The following SGMS2 variants were observed in gnomAD, a reference collection of about 807,000 sequenced individuals.
SGMS2 encodes the protein phosphatidylcholine:ceramide cholinephosphotransferase 2.
SGMS2 carries 21 observed loss-of-function variants against 43.8 expected under a neutral mutation model. That is an observed-to-expected ratio of 0.48 (90% confidence interval 0.34 to 0.69). The LOEUF is 0.69. Among genes scored for constraint, SGMS2 ranks in the 30% least tolerant of loss-of-function variants. The pLI, the probability that SGMS2 is intolerant of heterozygous loss-of-function variation, is 0.01. For missense variants in SGMS2, 384 were observed against 443.2 expected (o/e 0.87, Z 1.20); for synonymous variants, 167 against 160.6 (o/e 1.04, Z -0.30).
At chr4:107,894,077 G>A (rs1356212028) in intron 2 of SGMS2, among the ~76,000 whole-genome samples, 1 of 152,114 alleles carries the variant, frequency 6.6e-6, no homozygotes, top group Non-Finnish European at 1.5e-5. Context: ...AACAGACATT[G>A]CCTGTACATA....
intron 2 of SGMS2, chr4:107,894,201 A>AG (rs1355967226): frequency 2.0e-5 from 3 of 151,978 alleles, no homozygotes; most frequent in African/African-American, 7.3e-5. Context: ...ACGGGGAGGC[A>AG]GGGGAGGGGG....
At chr4:107,885,912 A>C (rs1729713557) in intron 2 of SGMS2, among the ~76,000 whole-genome samples, 1 of 152,208 alleles carries the variant, frequency 6.6e-6, no homozygotes, top group Non-Finnish European at 1.5e-5. Flanking sequence ...TAATTAAAAT[A>C]AATGTTCAGA....
chr4:107,872,901 TC>T (rs1384882871), intron 2 of SGMS2, among the ~76,000 whole-genome samples: 1 of 152,196 alleles, frequency 6.6e-6, no homozygotes, highest in Non-Finnish European at 1.5e-5. Flanking sequence ...TTCTGGTTTT[TC>T]AGTCTTACAG....
intron 2 of SGMS2, among the ~76,000 whole-genome samples, chr4:107,877,226 T>C (rs2126071266): frequency 6.6e-6 from 1 of 152,300 alleles, no homozygotes; most frequent in African/African-American, 2.4e-5. Context: ...GAAGATTCCT[T>C]GAGCCTAGGA....
chr4:107,868,857 G>T, intron 2 of SGMS2, among the ~76,000 whole-genome samples: 1 of 152,010 alleles, frequency 6.6e-6, no homozygotes, highest in African/African-American at 2.4e-5. Flanking sequence ...TAGCACCCCT[G>T]GATATTTTTC....
intron 2 of SGMS2, among the ~76,000 whole-genome samples, chr4:107,865,492 C>G (rs1388632894): frequency 6.6e-6 from 1 of 152,150 alleles, no homozygotes; most frequent in Non-Finnish European, 1.5e-5. Context: ...TAAACACTAA[C>G]CAGTTTATAC....
intron 4 of SGMS2, among the ~76,000 whole-genome samples, chr4:107,901,406 A>G (rs1731099919): frequency 6.6e-6 from 1 of 152,158 alleles, no homozygotes; most frequent in Admixed American, 6.5e-5. Context: ...AGCTATTACA[A>G]AATCTTGTCT....
At chr4:107,838,687 A>C (rs1023531295) in intron 1 of SGMS2, among the ~76,000 whole-genome samples, 3 of 151,850 alleles carry the variant, frequency 2.0e-5, no homozygotes, top group Admixed American at 6.6e-5. Context: ...TTCTAGACAG[A>C]GTGCCTTGAG....
chr4:107,891,696 G>A (rs893349127), intron 2 of SGMS2, among the ~76,000 whole-genome samples: 1 of 152,162 alleles, frequency 6.6e-6, no homozygotes, highest in Admixed American at 6.5e-5. Flanking sequence ...TGAGGAGGTG[G>A]TGTTTGATTT....
At chr4:107,837,413 G>A (rs1465337160) in intron 1 of SGMS2, among the ~76,000 whole-genome samples, 1 of 152,196 alleles carries the variant, frequency 6.6e-6, no homozygotes, top group African/African-American at 2.4e-5. Flanking sequence ...AGACTCAGCA[G>A]AGTGAACAGA....
intron 1 of SGMS2, among the ~76,000 whole-genome samples, chr4:107,843,374 C>T (rs1005767351): frequency 1.3e-5 from 2 of 152,066 alleles, no homozygotes; most frequent in Non-Finnish European, 2.9e-5. Context: ...TTAAACTTAT[C>T]CTGAATTTAA....
At chr4:107,902,086 C>CT (rs574752893) in intron 4 of SGMS2, among the ~76,000 whole-genome samples, 2,294 of 143,188 alleles carry the variant, frequency 0.016, 48 homozygotes, top group African/African-American at 0.051. Flanking sequence ...TTGTTTTTTC[C>CT]TTTTTTTTTT....
At chr4:107,879,335 T>A (rs891757838) in intron 2 of SGMS2, among the ~76,000 whole-genome samples, 2 of 152,124 alleles carry the variant, frequency 1.3e-5, no homozygotes, top group African/African-American at 4.8e-5. Context: ...TATTTCAGAG[T>A]CACTGCAAAA....
In SGMS2 at chr4:107,910,717, T is replaced by G; in HGVS notation, c.*164T>G. 1 of 632,064 alleles carries G rather than the reference T, an allele frequency of 1.6e-6. No individual in the cohort carries two copies. Among genetic ancestry groups the G allele is most frequent in the Non-Finnish European group, 2.7e-6 (1 of 371,696 alleles). The allele number at this position is 632,064 out of a possible 1,614,324, so 39.2% of individuals were successfully genotyped here. ...GAACAAAGTATTGCCCTTTGACTGG[T>G]TTTCTTCTTCATCCTGAGAAAGATA... On this transcript the variant is annotated 3_prime_UTR_variant, in exon 7 of 7. Coordinates refer to ENST00000690982, the MANE Select transcript of SGMS2 (RefSeq NM_001375905.1).
intron 2 of SGMS2, among the ~76,000 whole-genome samples, chr4:107,879,877 C>G (rs1729212716): frequency 6.6e-6 from 1 of 152,160 alleles, no homozygotes; most frequent in Non-Finnish European, 1.5e-5. Context: ...ACCATCATTA[C>G]TAATTTTAGA....
At position 107,913,458 on chromosome 4, in the gene SGMS2, C is replaced by T. The variant is rs1732254047; in HGVS notation, c.*2905C>T. On this transcript the variant is annotated 3_prime_UTR_variant, in exon 7 of 7. Transcript: ENST00000690982. ...CTACTCTGGTTTGTGGATGACATTG[C>T]ATTAGGGTTATTTCCTGTATTACCA... The T allele has an allele frequency of 6.6e-6, 1 of 152,074 alleles. No individual in the cohort carries two copies. Among genetic ancestry groups the T allele is most frequent in the African/African-American group, 2.4e-5 (1 of 41,410 alleles). 9.4% of individuals were successfully genotyped at this position (152,074 alleles called of 1,614,324 possible).
chr4:107,877,742 C>T (rs543328193), intron 2 of SGMS2, among the ~76,000 whole-genome samples: 78 of 152,174 alleles, frequency 5.1e-4, no homozygotes, highest in African/African-American at 1.9e-3. Context: ...ATTATAGGGA[C>T]TTCCTTTGTT....
At position 107,899,652 on chromosome 4, in the gene SGMS2, C is replaced by T; in HGVS notation, c.533C>T (p.Thr178Ile). 7.4e-6 allele frequency: 12 copies of T among 1,613,076 alleles called. No individual in the cohort carries two copies. The highest frequency in any genetic ancestry group is 1.0e-5 in the Non-Finnish European group (12 of 1,179,546). ...CGCTGCATTACAATGTATGTTACTA[C>T]TCTACCTGTGCCTGGAATGCATTTC... Reference protein sequence around the residue: ...LYRCITMYVTTLPVPGMHFQC... With the variant: ...LYRCITMYVTILPVPGMHFQC... Residue 178 changes from threonine (T) to isoleucine (I), a missense_variant, in exon 4 of 7, where the codon ACT (threonine) becomes ATT (isoleucine). Coordinates refer to ENST00000690982, the MANE Select transcript of SGMS2 (RefSeq NM_001375905.1).
At chr4:107,898,225 AAT>A (rs1390467839) in intron 3 of SGMS2, among the ~76,000 whole-genome samples, 1 of 151,378 alleles carries the variant, frequency 6.6e-6, no homozygotes, top group East Asian at 2.0e-4. Context: ...GGGATAAATA[AAT>A]ACTCTCATCT....
Sources: allele counts gnomAD v4.1 joint callset (sites outside exome capture counted in the v4.1 genomes callset), GRCh38; gene constraint gnomAD v4.1.1; transcripts MANE v1.5; gene names NCBI Gene and HGNC (gene_info 2026-07-23, HGNC 2026-07-21).